Variants in TSGA10 observed in about 807,000 individuals in gnomAD.
The protein encoded by TSGA10 is testis-specific gene 10 protein.
A neutral mutation model predicts 96.6 loss-of-function variants in TSGA10; 43 were observed. That is an observed-to-expected ratio of 0.44 (90% CI 0.35 to 0.57). TSGA10 has a LOEUF of 0.57. Among genes scored for constraint, TSGA10 ranks in the 20% least tolerant of loss-of-function variants. TSGA10 has a pLI of 0.01. For synonymous variants in TSGA10, 229 were observed against 269.9 expected, an observed-to-expected ratio of 0.85 and a Z score of 1.48; for missense variants, 703 against 834.4, an observed-to-expected ratio of 0.84 and a Z score of 1.94.
chr2:99,114,975 G>C (rs1398982636), intron 4 of TSGA10, among the ~76,000 whole-genome samples: 1 of 152,060 alleles, frequency 6.6e-6, no homozygotes, highest in Admixed American at 6.6e-5. Flanking sequence ...TCACTCTTTT[G>C]CTCAGGCTAG....
intron 2 of TSGA10, among the ~76,000 whole-genome samples, chr2:99,121,670 C>T (rs535500128): frequency 2.0e-4 from 30 of 152,108 alleles, no homozygotes; most frequent in African/African-American, 7.2e-4. Context: ...TGGGGTTTTG[C>T]CATGTTGGCC....
intron 6 of TSGA10, 25 bp from the exon 7 acceptor site, chr2:99,109,016 A>AT (rs11396964): frequency 0.64 from 963,509 of 1,501,586 alleles, 313,275 homozygotes; most frequent in East Asian, 0.89. Context: ...GGAATTTGAA[A>AT]TCTTCTTTGA....
intron 16 of TSGA10, among the ~76,000 whole-genome samples, chr2:99,060,779 T>C (rs976535309): frequency 2.6e-5 from 4 of 152,150 alleles, no homozygotes; most frequent in Non-Finnish European, 4.4e-5. Context: ...GATCCACACA[T>C]ATATGATCAT....
chr2:99,027,074 C>T (rs564697217), intron 17 of TSGA10, among the ~76,000 whole-genome samples: 60 of 152,322 alleles, frequency 3.9e-4, no homozygotes, highest in Middle Eastern at 3.4e-3. Flanking sequence ...GCTGATCTGA[C>T]AAGAGGTGGA....
intron 10 of TSGA10, among the ~76,000 whole-genome samples, chr2:99,082,916 T>A (rs1190862353): frequency 6.6e-6 from 1 of 151,608 alleles, no homozygotes; most frequent in East Asian, 1.9e-4. Flanking sequence ...TAAACTAACA[T>A]CAAAATTTTA....
intron 17 of TSGA10, among the ~76,000 whole-genome samples, chr2:99,024,119 T>C (rs1271958146): frequency 6.6e-6 from 1 of 151,310 alleles, no homozygotes; most frequent in Non-Finnish European, 1.5e-5. Flanking sequence ...TTAGACAGAG[T>C]CTTGCTCTGT....
chr2:99,141,505 T>G (rs2093553495), intron 1 of TSGA10: 1 of 156,194 alleles, frequency 6.4e-6, no homozygotes, highest in African/African-American at 2.4e-5. Flanking sequence ...TACGTCTACC[T>G]GCCTGCCTTA....
intron 10 of TSGA10, 30 bp downstream of exon 10, chr2:99,103,937 T>A (rs1328102980): frequency 9.3e-6 from 15 of 1,610,038 alleles, no homozygotes; most frequent in Non-Finnish European, 1.3e-5. Flanking sequence ...TATAGTAAAC[T>A]GTTGGTTGTT....
At chr2:99,055,340 C>A (rs1421465397) in intron 16 of TSGA10, among the ~76,000 whole-genome samples, 3 of 151,918 alleles carry the variant, frequency 2.0e-5, no homozygotes, top group African/African-American at 4.8e-5. Flanking sequence ...ATGGTGGTTA[C>A]CTGGAGCTGA....
At chr2:99,144,980 A>G (rs1286032344) in intron 1 of TSGA10, among the ~76,000 whole-genome samples, 8 of 152,196 alleles carry the variant, frequency 5.3e-5, no homozygotes, top group Admixed American at 5.2e-4. Context: ...ACAATTTACC[A>G]CACACTTGGT....
intron 1 of TSGA10, among the ~76,000 whole-genome samples, chr2:99,147,977 T>C (rs547281849): frequency 1.1e-4 from 17 of 152,328 alleles, no homozygotes; most frequent in African/African-American, 3.8e-4. Context: ...TATTGTCCCA[T>C]ATCCAAATGT....
chr2:99,089,457 C>G (rs959703225), intron 10 of TSGA10, among the ~76,000 whole-genome samples: 10 of 152,148 alleles, frequency 6.6e-5, no homozygotes, highest in Non-Finnish European at 1.0e-4. Context: ...AGGGGTGGCA[C>G]AAAACCTGAA....
At chr2:99,093,072 A>T (rs2089549539) in intron 10 of TSGA10, among the ~76,000 whole-genome samples, 1 of 152,110 alleles carries the variant, frequency 6.6e-6, no homozygotes, top group Non-Finnish European at 1.5e-5. Context: ...GTGGGTTTCA[A>T]ACCAGGGAGG....
At chr2:99,001,731 A>G (rs536411425) in intron 20 of TSGA10, among the ~76,000 whole-genome samples, 6 of 152,250 alleles carry the variant, frequency 3.9e-5, no homozygotes, top group African/African-American at 1.4e-4. Context: ...GAAGCTAAAA[A>G]CCTTGGAAAA....
intron 10 of TSGA10, among the ~76,000 whole-genome samples, chr2:99,100,956 GAA>G (rs561618635): frequency 1.4e-3 from 167 of 119,300 alleles, no homozygotes; most frequent in Non-Finnish European, 2.2e-3. Context: ...TAGGCTGGGT[GAA>G]AAAAAAAAAA....
intron 10 of TSGA10, among the ~76,000 whole-genome samples, chr2:99,093,582 C>T (rs138756858): frequency 3.7e-4 from 56 of 152,096 alleles, no homozygotes; most frequent in Non-Finnish European, 7.8e-4. Flanking sequence ...GTACACAAAT[C>T]AGTAGCACTG....
chr2:99,117,304 T>C (rs2104912529), intron 4 of TSGA10: 1 of 153,776 alleles, frequency 6.5e-6, no homozygotes, highest in African/African-American at 2.4e-5. Flanking sequence ...GGAACATTCC[T>C]GTTGCTTTCA....
At chr2:99,065,453 T>C (rs1410138847) in intron 15 of TSGA10, among the ~76,000 whole-genome samples, 1 of 152,222 alleles carries the variant, frequency 6.6e-6, no homozygotes, top group Non-Finnish European at 1.5e-5. Flanking sequence ...TTTTCCCATA[T>C]GTCTGCTTAC....
At chr2:99,103,526 G>A (rs1043135801) in intron 10 of TSGA10, among the ~76,000 whole-genome samples, 11 of 152,140 alleles carry the variant, frequency 7.2e-5, no homozygotes, top group African/African-American at 2.2e-4. Flanking sequence ...GCTCCATCAC[G>A]TGCTCCTATT....
Sources: gnomAD v4.1 joint callset for allele counts (sites outside exome capture counted in the v4.1 genomes callset) on GRCh38, gnomAD v4.1.1 for gene constraint, MANE v1.5 for transcripts, NCBI Gene and HGNC (gene_info 2026-07-23, HGNC 2026-07-21) for gene names.